DUSP15: variants seen among roughly 807,000 people sequenced by gnomAD.
DUSP15 encodes dual specificity phosphatase 15.
Under a neutral mutation model 26.3 loss-of-function variants are expected in DUSP15, and 23 were observed. That is an observed-to-expected ratio of 0.87 (90% CI 0.63 to 1.24). The LOEUF is 1.24. Ranked by LOEUF, DUSP15 falls within the 50% of genes most tolerant of loss-of-function variation. The pLI is 0.00. For synonymous variants in DUSP15, 143 were observed against 135.5 expected, an observed-to-expected ratio of 1.06 and a Z score of -0.39; for missense variants, 364 against 320.6, an observed-to-expected ratio of 1.14 and a Z score of -1.03.
At position 31,870,158 on chromosome 20, in the gene DUSP15, A is replaced by G. The variant is rs1600495293; in HGVS notation, c.21+159T>C. ...GAGACGCAGGGTCAGAGAGGGGGAG[A>G]CCCGACAGCCGCGGTCTCGAGTCAC... On this transcript the variant is annotated intron_variant, in intron 1 of 6. Coordinates refer to ENST00000339738, the MANE Select transcript of DUSP15 (RefSeq NM_080611.5). The surrounding 1 kb of genome is among the most constrained non-coding windows in gnomAD (Gnocchi z 6.6). 2.0e-5 allele frequency: 24 copies of G among 1,224,920 alleles called. No individual in the cohort carries two copies. Among genetic ancestry groups the G allele is most frequent in the Non-Finnish European group, 2.4e-5 (24 of 983,248 alleles). The allele number at this position is 1,224,920 out of a possible 1,614,324, so 75.9% of individuals were successfully genotyped here. A position where few individuals can be genotyped will look rare whatever the true frequency, so the allele number is the denominator to read the frequency against.
intron 6 of DUSP15, among the ~76,000 whole-genome samples, chr20:31,854,269 T>C (rs1336649573): frequency 6.6e-6 from 1 of 152,202 alleles, no homozygotes; most frequent in Non-Finnish European, 1.5e-5. Context: ...AAAGCCACAG[T>C]TCCTTGTGGG....
chr20:31,846,232 A>G (rs1056137786), downstream of DUSP15, among the ~76,000 whole-genome samples: 1 of 151,742 alleles, frequency 6.6e-6, no homozygotes, highest in African/African-American at 2.4e-5. Flanking sequence ...AGACACACAC[A>G]CAAGCACATA....
downstream of DUSP15, among the ~76,000 whole-genome samples, chr20:31,856,524 G>C (rs2062565485): frequency 1.3e-5 from 2 of 152,204 alleles, no homozygotes; most frequent in Admixed American, 1.3e-4. Context: ...TTTCAGCAGA[G>C]GGACCGAAGA....
intron 6 of DUSP15, among the ~76,000 whole-genome samples, chr20:31,853,205 A>G (rs1336705045): frequency 1.3e-5 from 2 of 152,222 alleles, no homozygotes; most frequent in Non-Finnish European, 2.9e-5. Context: ...CCTGCTCTCA[A>G]GCCTAATGGG....
intron 6 of DUSP15, among the ~76,000 whole-genome samples, chr20:31,862,294 C>T (rs1442434477): frequency 6.6e-6 from 1 of 152,160 alleles, no homozygotes; most frequent in Non-Finnish European, 1.5e-5. Flanking sequence ...AGGTTCCAGC[C>T]AGGTAGGGCA....
chr20:31,858,454 G>A (rs1305846919), downstream of DUSP15, among the ~76,000 whole-genome samples: 1 of 152,238 alleles, frequency 6.6e-6, no homozygotes, highest in Non-Finnish European at 1.5e-5. This position sits in a 1 kb window ranked among gnomAD's most constrained non-coding sequence, Gnocchi z 4.4. Context: ...CTATGAAAGT[G>A]AAAGTCTGGG....
chr20:31,848,809 C>T (rs776523649), exon 9 of DUSP15: 39 of 1,610,090 alleles, frequency 2.4e-5, no homozygotes, highest in East Asian at 1.6e-4. Context: ...GACTCACGTC[C>T]GCCATGATGA....
At chr20:31,859,066 C>T (rs1418206451), downstream of DUSP15, among the ~76,000 whole-genome samples, 6 of 152,280 alleles carry the variant, frequency 3.9e-5, no homozygotes, top group African/African-American at 1.2e-4. Context: ...TGGTAAAAGC[C>T]CTGTTTTAAT....
Position 31,861,096 on chromosome 20 carries a change from T to C in DUSP15, c.*307A>G. On this transcript the variant is annotated 3_prime_UTR_variant, in exon 7 of 7. Coordinates refer to ENST00000339738, the MANE Select transcript of DUSP15 (RefSeq NM_080611.5). ...GGCAGCTTCTTCTGTGTCTCTTTAATACCCTCCAGGCCCGTCAAACCCTCC... is the reference window on the plus strand; with the variant it reads ...GGCAGCTTCTTCTGTGTCTCTTTAACACCCTCCAGGCCCGTCAAACCCTCC... 8.1e-7 allele frequency: 1 copy of C among 1,238,416 alleles called. No individual in the cohort carries two copies. The allele number at this position is 1,238,416 out of a possible 1,614,324, so 76.7% of individuals were successfully genotyped here.
chr20:31,856,880 G>A (rs1184964323), downstream of DUSP15, among the ~76,000 whole-genome samples: 1 of 152,110 alleles, frequency 6.6e-6, no homozygotes, highest in Non-Finnish European at 1.5e-5. Flanking sequence ...AAAGGCCTGG[G>A]AGGGGTTGCA....
chr20:31,860,760 G>A (rs1568676423), downstream of DUSP15, among the ~76,000 whole-genome samples: 1 of 152,240 alleles, frequency 6.6e-6, no homozygotes, highest in African/African-American at 2.4e-5. Context: ...GGGGAGGGGA[G>A]GGGCCCCTCA....
chr20:31,864,427 A>G, intron 4 of DUSP15: 1 of 1,035,420 alleles, frequency 9.7e-7, no homozygotes, highest in Non-Finnish European at 1.2e-6. Context: ...GCGGGGAGGC[A>G]CTACTGCTGA....
intron 2 of DUSP15, among the ~76,000 whole-genome samples, chr20:31,868,821 T>C (rs2062835703): frequency 6.6e-6 from 1 of 152,174 alleles, no homozygotes; most frequent in Non-Finnish European, 1.5e-5. Flanking sequence ...CTACCCAAGG[T>C]CTATGTTCAG....
At chr20:31,850,333 C>A (rs2062449034) in intron 7 of DUSP15, among the ~76,000 whole-genome samples, 1 of 152,182 alleles carries the variant, frequency 6.6e-6, no homozygotes, top group South Asian at 2.1e-4. Flanking sequence ...AGGAGCTTTC[C>A]CAGGGTTACC....
chr20:31,864,245 C>A, intron 4 of DUSP15: 3 of 1,212,426 alleles, frequency 2.5e-6, no homozygotes, highest in South Asian at 2.2e-5. Flanking sequence ...TCCTGTGGAC[C>A]CTGTTTTCAT....
chr20:31,856,037 T>C (rs990077682), intron 6 of DUSP15, among the ~76,000 whole-genome samples: 5 of 152,172 alleles, frequency 3.3e-5, no homozygotes, highest in African/African-American at 1.2e-4. Context: ...GGTGCACCCA[T>C]CACCCAAACA....
At chr20:31,856,780 G>A (rs976005372), downstream of DUSP15, among the ~76,000 whole-genome samples, 10 of 152,144 alleles carry the variant, frequency 6.6e-5, no homozygotes, top group East Asian at 1.9e-4. Flanking sequence ...CTGAGGCCAC[G>A]GAAGGGGACA....
At chr20:31,859,309 G>A (rs979231154), downstream of DUSP15, among the ~76,000 whole-genome samples, 3 of 148,198 alleles carry the variant, frequency 2.0e-5, no homozygotes, top group Non-Finnish European at 3.0e-5. Flanking sequence ...TGGGGGGGGG[G>A]GATTTGCATC....
chr20:31,870,410 A>G lies in DUSP15; in HGVS notation c.-73T>C. 1 of 1,285,768 alleles carries G rather than the reference A, an allele frequency of 7.8e-7. No individual in the cohort carries two copies. The highest frequency in any genetic ancestry group is 3.2e-5 in the South Asian group (1 of 31,498). 79.6% of individuals were successfully genotyped at this position (1,285,768 alleles called of 1,614,324 possible). ...AAGCGATCCGGTCACAGCTGCCCTG[A>G]CGGCCCAGGCCCGACGCCTGCAGCC... is the stretch of plus-strand genomic sequence containing the variant. On this transcript the variant is annotated 5_prime_UTR_variant, in exon 1 of 7. Transcript: ENST00000339738. This position sits in a 1 kb window ranked among gnomAD's most constrained non-coding sequence, Gnocchi z 6.6.
Sources: allele counts gnomAD v4.1 joint callset (sites outside exome capture counted in the v4.1 genomes callset), GRCh38; gene constraint gnomAD v4.1.1; non-coding constraint Gnocchi (gnomAD v3.1); transcripts MANE v1.5; gene names NCBI Gene and HGNC (gene_info 2026-07-23, HGNC 2026-07-21).